Variants in ADGRF5 observed in about 807,000 individuals in gnomAD.
The protein encoded by ADGRF5 is G-protein coupled receptor 116.
Under a neutral mutation model 132.3 loss-of-function variants are expected in ADGRF5, and 75 were observed. The observed-to-expected ratio is 0.57, with a 90% CI of 0.47 to 0.69. ADGRF5 has a LOEUF of 0.69. Ranked by LOEUF, ADGRF5 falls within the 30% of genes least tolerant of loss-of-function variation. ADGRF5 has a pLI of 0.00. For missense variants in ADGRF5, 1,516 were observed against 1,630.6 expected (o/e 0.93, Z 1.21); for synonymous variants, 629 against 597.6 (o/e 1.05, Z -0.77).
intron 1 of ADGRF5, among the ~76,000 whole-genome samples, chr6:46,953,651 G>GTGTATATATATATA (rs1373212107): frequency 7.1e-5 from 3 of 42,196 alleles, no homozygotes; most frequent in African/African-American, 1.4e-4. Context: ...AGATATATGT[G>GTGTATATATATATA]TATATATATA....
chr6:46,878,944 G>A (rs569089640), intron 9 of ADGRF5, among the ~76,000 whole-genome samples: 29 of 152,196 alleles, frequency 1.9e-4, no homozygotes, highest in African/African-American at 2.6e-4. Context: ...TGCTTGGAGC[G>A]GGCAAGAGGA....
chr6:46,941,883 T>C (rs1367804505), intron 1 of ADGRF5, among the ~76,000 whole-genome samples: 1 of 152,228 alleles, frequency 6.6e-6, no homozygotes, highest in Non-Finnish European at 1.5e-5. Flanking sequence ...TTCCTACTCC[T>C]TCCTTTTTTC....
At chr6:46,944,001 C>T (rs2150945529) in intron 1 of ADGRF5, among the ~76,000 whole-genome samples, 1 of 152,270 alleles carries the variant, frequency 6.6e-6, no homozygotes, top group South Asian at 2.1e-4. Context: ...AGTGTAAACA[C>T]TTTTCTAAAC....
At chr6:46,902,415 A>G (rs1774871893) in intron 2 of ADGRF5, among the ~76,000 whole-genome samples, 1 of 152,220 alleles carries the variant, frequency 6.6e-6, no homozygotes, top group Non-Finnish European at 1.5e-5. Flanking sequence ...ATAGGACTAA[A>G]GCATTGAGGT....
At chr6:46,868,393 C>T (rs1770686221) in intron 12 of ADGRF5, among the ~76,000 whole-genome samples, 1 of 152,328 alleles carries the variant, frequency 6.6e-6, no homozygotes, top group African/African-American at 2.4e-5. Flanking sequence ...TAAATATGAG[C>T]TATTATTGTA....
intron 1 of ADGRF5, among the ~76,000 whole-genome samples, chr6:46,951,716 T>C (rs572119609): frequency 1.3e-5 from 2 of 152,304 alleles, no homozygotes; most frequent in East Asian, 3.9e-4. Flanking sequence ...AGGCCTTTCC[T>C]CCCTCCTCAT....
intron 1 of ADGRF5, among the ~76,000 whole-genome samples, chr6:46,917,596 T>C (rs1562237523): frequency 6.6e-6 from 1 of 152,208 alleles, no homozygotes; most frequent in African/African-American, 2.4e-5. Context: ...ACACTGAGTA[T>C]GGTCCCTGGC....
intron 10 of ADGRF5, among the ~76,000 whole-genome samples, chr6:46,873,001 A>T (rs769866965): frequency 1.8e-4 from 27 of 151,976 alleles, no homozygotes; most frequent in Non-Finnish European, 3.1e-4. Context: ...TTCCCTCTTT[A>T]TCTATCTTGA....
rs755108175 is a variant in ADGRF5 at position 46,879,828 on chromosome 6, T to G, written c.1026A>C (p.Pro342=). Residue 342 remains proline, a synonymous_variant, in exon 9 of 21, where the codon CCA becomes CCC. Coordinates refer to ENST00000283296, the MANE Select transcript of ADGRF5 (RefSeq NM_001098518.2). ...TGAATGGAGACCTACCTGCATCACC[T>G]GGAGTGATGTTGTGGATGGTGAGCT... ...VSKLTIHNIT[P]GDAGEYVCKL... 5.0e-6 allele frequency: 8 copies of G among 1,603,496 alleles called. No homozygotes were observed. Among genetic ancestry groups the G allele is most frequent in the South Asian group, 1.1e-5 (1 of 90,894 alleles).
chr6:46,951,021 T>C (rs1245931511), intron 1 of ADGRF5, among the ~76,000 whole-genome samples: 1 of 152,220 alleles, frequency 6.6e-6, no homozygotes, highest in Non-Finnish European at 1.5e-5. Context: ...GAGCCAGATA[T>C]AGTCCAGGCT....
chr6:46,856,852 T>C lies in ADGRF5; in HGVS notation c.3816+15A>G. 5 of 1,608,374 alleles carry C rather than the reference T, an allele frequency of 3.1e-6. No individual in the cohort carries two copies. Among genetic ancestry groups the C allele is most frequent in the Non-Finnish European group, 4.2e-6 (5 of 1,176,614 alleles). Reference sequence around the variant, plus strand: ...TCAGACTTTTCTAGAAACATGAAACTGTCATTGCTCTTACCTTCAGATCCC... The same window carrying C: ...TCAGACTTTTCTAGAAACATGAAACCGTCATTGCTCTTACCTTCAGATCCC... On this transcript the variant is annotated intron_variant, in intron 18 of 20. Transcript: ENST00000283296.
chr6:46,951,818 A>G (rs1034716556), intron 1 of ADGRF5, among the ~76,000 whole-genome samples: 1 of 152,234 alleles, frequency 6.6e-6, no homozygotes, highest in Non-Finnish European at 1.5e-5. Context: ...AGTCACGGGC[A>G]AACTGTGCTG....
chr6:46,858,644 C>T lies in ADGRF5; in HGVS notation c.3259G>A (p.Val1087Met), dbSNP rs1249210101. The change falls in exon 17 of 21, where the codon GTG becomes ATG. Residue 1087 changes from valine to methionine, a missense_variant. This residue lies in a region of ADGRF5 where 571 missense variants were observed against 701.2 expected (regional missense o/e 0.81). Transcript: ENST00000283296. ...AAGTGGATGAAGAAGGTGGCAGCCA[C>T]ACAGGCTGTCTTGCAGAGTATGTAG... Reference protein sequence around the residue: ...NRYILCKTACVAATFFIHFFY... With the variant: ...NRYILCKTACMAATFFIHFFY... The T allele has an allele frequency of 1.9e-6, 3 of 1,614,040 alleles. No individual in the cohort carries two copies. Among genetic ancestry groups the T allele is most frequent in the African/African-American group, 2.7e-5 (2 of 74,922 alleles).
chr6:46,920,509 A>G (rs896342777), intron 1 of ADGRF5, among the ~76,000 whole-genome samples: 2 of 107,754 alleles, frequency 1.9e-5, no homozygotes, highest in East Asian at 6.1e-4. Context: ...ACAGAAAACA[A>G]TTGATAGAAT....
intron 10 of ADGRF5, among the ~76,000 whole-genome samples, chr6:46,874,834 A>T (rs999431709): frequency 1.3e-5 from 2 of 152,148 alleles, no homozygotes; most frequent in African/African-American, 2.4e-5. Flanking sequence ...ATGAGGGGCA[A>T]TTTTGCCTCC....
At chr6:46,906,288 C>CGAA in intron 2 of ADGRF5, among the ~76,000 whole-genome samples, 1 of 152,208 alleles carries the variant, frequency 6.6e-6, no homozygotes, top group South Asian at 2.1e-4. Flanking sequence ...AACATACATT[C>CGAA]TGCTCAATCC....
At chr6:46,861,022 G>A in intron 15 of ADGRF5, 128 bp from the exon 16 acceptor site, 1 of 663,394 alleles carries the variant, frequency 1.5e-6, no homozygotes, top group South Asian at 2.0e-5. Flanking sequence ...CCATAAATAT[G>A]TCCCATAAGA....
intron 1 of ADGRF5, among the ~76,000 whole-genome samples, chr6:46,908,293 T>C (rs1226380390): frequency 1.3e-5 from 2 of 152,230 alleles, no homozygotes; most frequent in Admixed American, 6.5e-5. Flanking sequence ...TAATTTTCTA[T>C]TGGAAGTTTT....
intron 1 of ADGRF5, among the ~76,000 whole-genome samples, chr6:46,942,145 C>G (rs1420764817): frequency 6.6e-6 from 1 of 152,170 alleles, no homozygotes; most frequent in East Asian, 1.9e-4. Flanking sequence ...CCCTTTGACT[C>G]CCTCTAGTAG....
Sources: allele counts gnomAD v4.1 joint callset (sites outside exome capture counted in the v4.1 genomes callset), GRCh38; gene constraint gnomAD v4.1.1; regional missense constraint gnomAD v4.1.1; transcripts MANE v1.5; gene names NCBI Gene and HGNC (gene_info 2026-07-23, HGNC 2026-07-21).